Variants in UNC5D observed in about 807,000 individuals in gnomAD.
UNC5D encodes the protein unc-5 netrin receptor D.
A neutral mutation model predicts 105.4 loss-of-function variants in UNC5D; 39 were observed. The observed-to-expected ratio is 0.37, with a 90% CI of 0.29 to 0.48. The LOEUF (loss-of-function observed/expected upper bound fraction) is 0.48. Among genes scored for constraint, UNC5D ranks in the 20% least tolerant of loss-of-function variants. UNC5D has a pLI of 0.98. For synonymous variants in UNC5D, 452 were observed against 450.4 expected (o/e 1.00, Z -0.04); for missense variants, 991 against 1,202.4 (o/e 0.82, Z 2.60).
At chr8:35,368,187 G>GT (rs1262154141) in intron 1 of UNC5D, among the ~76,000 whole-genome samples, 5 of 152,138 alleles carry the variant, frequency 3.3e-5, no homozygotes, top group Non-Finnish European at 7.3e-5. Flanking sequence ...TTAATTTGCT[G>GT]TTTTTCTCAA....
chr8:35,726,636 A>C, intron 10 of UNC5D, 107 bp downstream of exon 10: 1 of 1,508,794 alleles, frequency 6.6e-7, no homozygotes, highest in East Asian at 2.3e-5. Flanking sequence ...TCCCCTCATC[A>C]GACCTGCAAA....
intron 1 of UNC5D, among the ~76,000 whole-genome samples, chr8:35,275,832 T>A (rs752974551): frequency 6.6e-6 from 1 of 152,254 alleles, no homozygotes; most frequent in Non-Finnish European, 1.5e-5. Flanking sequence ...TATACACCTA[T>A]ATTGTAAGTA....
At chr8:35,427,252 A>C (rs943008578) in intron 1 of UNC5D, among the ~76,000 whole-genome samples, 1 of 152,170 alleles carries the variant, frequency 6.6e-6, no homozygotes, top group Non-Finnish European at 1.5e-5. Context: ...ACTTCTGCTG[A>C]CATAATTTCC....
intron 1 of UNC5D, among the ~76,000 whole-genome samples, chr8:35,433,145 T>G (rs1806768988): frequency 6.6e-6 from 1 of 152,220 alleles, no homozygotes; most frequent in Non-Finnish European, 1.5e-5. Context: ...TGAAGACTTG[T>G]GTGATGAATT....
chr8:35,417,730 T>C (rs1267255179), intron 1 of UNC5D, among the ~76,000 whole-genome samples: 1 of 152,312 alleles, frequency 6.6e-6, no homozygotes, highest in East Asian at 1.9e-4. Flanking sequence ...ACCTTTTTGT[T>C]ATTAAATTTC....
intron 1 of UNC5D, among the ~76,000 whole-genome samples, chr8:35,427,923 A>G (rs372076080): frequency 1.3e-5 from 2 of 152,220 alleles, no homozygotes; most frequent in East Asian, 1.9e-4. Context: ...TCACTGATGC[A>G]GTAGGAATGG....
chr8:35,472,977 G>A (rs531385874), intron 1 of UNC5D, among the ~76,000 whole-genome samples: 40 of 152,204 alleles, frequency 2.6e-4, no homozygotes, highest in Non-Finnish European at 5.1e-4. Flanking sequence ...GCACACCAGA[G>A]TTGGTCTTAT....
At chr8:35,745,035 C>T (rs1829935279) in intron 11 of UNC5D, among the ~76,000 whole-genome samples, 1 of 150,618 alleles carries the variant, frequency 6.6e-6, no homozygotes, top group South Asian at 2.1e-4. Flanking sequence ...GCCTGGGCGA[C>T]AAGAGCAAAA....
At chr8:35,285,652 C>A (rs184986087) in intron 1 of UNC5D, among the ~76,000 whole-genome samples, 16 of 152,242 alleles carry the variant, frequency 1.1e-4, no homozygotes, top group South Asian at 4.1e-4. Context: ...GAATTGTAAT[C>A]ACTGCTGTAT....
intron 15 of UNC5D, among the ~76,000 whole-genome samples, chr8:35,769,727 G>A (rs1250891571): frequency 1.3e-5 from 2 of 152,152 alleles, no homozygotes. Flanking sequence ...CACTTTGGGA[G>A]GGCGAGGTAG....
At chr8:35,254,924 T>A (rs1803967762) in intron 1 of UNC5D, 1 of 152,220 alleles carries the variant, frequency 6.6e-6, no homozygotes, top group Middle Eastern at 3.2e-3. Flanking sequence ...GCAAAAATTT[T>A]TGAAATTTCA....
intron 11 of UNC5D, among the ~76,000 whole-genome samples, chr8:35,743,644 T>C (rs1428842605): frequency 6.6e-6 from 1 of 151,706 alleles, no homozygotes; most frequent in Non-Finnish European, 1.5e-5. Flanking sequence ...CAAGGAAAAA[T>C]TGCAATAATA....
intron 11 of UNC5D, among the ~76,000 whole-genome samples, chr8:35,742,265 A>AAG (rs1554599471): frequency 6.6e-6 from 1 of 152,078 alleles, no homozygotes; most frequent in African/African-American, 2.4e-5. Context: ...AAAAAAAAAA[A>AAG]AGAGAGAGAG....
chr8:35,327,749 A>AT (rs1425645850), intron 1 of UNC5D, among the ~76,000 whole-genome samples: 6 of 152,176 alleles, frequency 3.9e-5, no homozygotes, highest in Non-Finnish European at 8.8e-5. Context: ...AGGATGATGG[A>AT]TTGAAGGTGA....
intron 7 of UNC5D, among the ~76,000 whole-genome samples, chr8:35,697,994 C>G (rs1283883552): frequency 6.6e-6 from 1 of 152,100 alleles, no homozygotes; most frequent in Non-Finnish European, 1.5e-5. Flanking sequence ...CCAAACCTCC[C>G]TACCTCCCTC....
intron 6 of UNC5D, among the ~76,000 whole-genome samples, chr8:35,685,810 T>C (rs191218048): frequency 2.5e-4 from 38 of 151,392 alleles, no homozygotes; most frequent in Non-Finnish European, 4.4e-4. Context: ...AGTTCAGTAT[T>C]TTTTTTATAG....
rs141010885 is a variant in UNC5D at position 35,682,225 on chromosome 8, C to T, written c.571-1322C>T. On this transcript the variant is annotated intron_variant, in intron 4 of 16. Coordinates refer to ENST00000404895, the MANE Select transcript of UNC5D (RefSeq NM_080872.4). The stretch of plus-strand genomic sequence containing the variant: ...TGATCTGCCCGCCTCGGCCTCTCAA[C>T]GTGCTGGGATTACAGGCGTGAGCCA... Among the ~76,000 whole-genome samples the T allele has an allele frequency of 8.1e-3, 1,235 of 152,260 alleles. 15 individuals are homozygous for T. The highest frequency in any genetic ancestry group is 0.028 in the African/African-American group (1,162 of 41,552).
chr8:35,305,577 TTTTCTTTCTTTC>T (rs1179890296), intron 1 of UNC5D, among the ~76,000 whole-genome samples: 1 of 53,998 alleles, frequency 1.9e-5, no homozygotes, highest in African/African-American at 6.6e-5. Flanking sequence ...CTTTCTTTCT[TTTTCTTTCTTTC>T]TTTCTTTCTT....
intron 1 of UNC5D, among the ~76,000 whole-genome samples, chr8:35,494,833 A>T (rs1259705457): frequency 6.6e-6 from 1 of 152,082 alleles, no homozygotes; most frequent in Non-Finnish European, 1.5e-5. Flanking sequence ...GTGAAAAAGG[A>T]CTTTTATTTG....
Sources: gnomAD v4.1 joint callset for allele counts (sites outside exome capture counted in the v4.1 genomes callset) on GRCh38, gnomAD v4.1.1 for gene constraint, MANE v1.5 for transcripts, NCBI Gene and HGNC (gene_info 2026-07-23, HGNC 2026-07-21) for gene names.